Variants in PDE10A observed in about 807,000 individuals in gnomAD.
The protein encoded by PDE10A is phosphodiesterase 10A.
In PDE10A, 39 loss-of-function variants were observed where a neutral mutation model predicts 97.7. That is an observed-to-expected ratio of 0.40 (90% confidence interval 0.31 to 0.52). The LOEUF is 0.52. PDE10A is among the 20% of genes least tolerant of loss of function. The probability of loss-of-function intolerance (pLI) is 0.56; values close to 1 mark genes in which losing one functional copy is unlikely to be tolerated. For missense variants in PDE10A, 731 were observed against 1,047.8 expected (o/e 0.70, Z 4.17); for synonymous variants, 371 against 376.8 (o/e 0.98, Z 0.18).
rs139795680 is a variant in PDE10A at position 165,390,659 on chromosome 6, T to C, written c.2454+1987A>G. Among the ~76,000 whole-genome samples, 580 of 151,992 alleles carry C rather than the reference T, an allele frequency of 3.8e-3. 3 individuals are homozygous for C. Among genetic ancestry groups the C allele is most frequent in the African/African-American group, 0.013 (554 of 41,440 alleles). On this transcript the variant is annotated intron_variant, in intron 16 of 21. Coordinates refer to ENST00000539869, the MANE Select transcript of PDE10A (RefSeq NM_001385079.1). ...GAAGGGTCAGCTCTGGAGAGGAGTG[T>C]GAAGGTTTAAGGAAGTGTGCAAGGC... is the stretch of plus-strand genomic sequence containing the variant.
intron 1 of PDE10A, among the ~76,000 whole-genome samples, chr6:165,958,357 T>G (rs959492330): frequency 2.0e-5 from 3 of 151,672 alleles, no homozygotes; most frequent in Admixed American, 2.0e-4. Flanking sequence ...TGGCCTACAA[T>G]TTCAAAAGAA....
chr6:165,374,187 A>G (rs1784458832), intron 18 of PDE10A, among the ~76,000 whole-genome samples: 1 of 151,550 alleles, frequency 6.6e-6, no homozygotes, highest in Non-Finnish European at 1.5e-5. Flanking sequence ...ATATGTAACT[A>G]ACCTGCACAT....
At chr6:165,794,381 CCA>C (rs1229520892) in intron 1 of PDE10A, among the ~76,000 whole-genome samples, 7 of 151,654 alleles carry the variant, frequency 4.6e-5, no homozygotes, top group African/African-American at 7.3e-5. Flanking sequence ...ATACAATCCC[CCA>C]CACTCACACA....
At chr6:165,776,345 T>TAC (rs1197932764) in intron 1 of PDE10A, among the ~76,000 whole-genome samples, 3 of 152,234 alleles carry the variant, frequency 2.0e-5, no homozygotes, top group African/African-American at 7.2e-5. Flanking sequence ...CCTAGGGGGT[T>TAC]ACAGTAACAT....
intron 1 of PDE10A, among the ~76,000 whole-genome samples, chr6:165,751,075 GAGA>G (rs1792988293): frequency 6.6e-6 from 1 of 152,302 alleles, no homozygotes; most frequent in East Asian, 1.9e-4. Context: ...TCCTGGGGGA[GAGA>G]AGAAGGGAGC....
intron 1 of PDE10A, among the ~76,000 whole-genome samples, chr6:165,634,118 C>G (rs1053643443): frequency 1.3e-5 from 2 of 152,120 alleles, no homozygotes; most frequent in Non-Finnish European, 2.9e-5. Context: ...TGTTTCAGTG[C>G]GTCTGGGGTA....
chr6:165,589,903 C>T (rs1299541827), intron 1 of PDE10A, among the ~76,000 whole-genome samples: 1 of 152,096 alleles, frequency 6.6e-6, no homozygotes, highest in Non-Finnish European at 1.5e-5. Flanking sequence ...AAAACTCTAC[C>T]TTTAAATATA....
chr6:165,825,145 CAAA>C (rs1199061190), intron 1 of PDE10A, among the ~76,000 whole-genome samples: 3 of 50,910 alleles, frequency 5.9e-5, no homozygotes, highest in African/African-American at 1.5e-4. Context: ...GACTCCATCT[CAAA>C]AAAAAAAAAA....
At chr6:165,544,184 C>A (rs1342527828) in intron 1 of PDE10A, among the ~76,000 whole-genome samples, 1 of 152,110 alleles carries the variant, frequency 6.6e-6, no homozygotes, top group Non-Finnish European at 1.5e-5. Context: ...ACATTATTAT[C>A]TTTTATTGCC....
chr6:165,487,451 T>C (rs953284144), intron 2 of PDE10A, among the ~76,000 whole-genome samples: 6 of 152,148 alleles, frequency 3.9e-5, no homozygotes, highest in African/African-American at 1.4e-4. Flanking sequence ...TCATTATATA[T>C]TACAACATAA....
In PDE10A at chr6:165,381,631, ATT is replaced by A. The variant is rs547827126; in HGVS notation, c.2611-2267_2611-2266del. On this transcript the variant is annotated intron_variant, in intron 17 of 21. Coordinates refer to ENST00000539869, the MANE Select transcript of PDE10A (RefSeq NM_001385079.1). The stretch of plus-strand genomic sequence containing the variant: ...AGGGACGCACCACCACACCTGGCTA[ATT>A]TTTTTTTTTTTTTTTTTTTTTGTAT... 2.6e-3 allele frequency among the ~76,000 whole-genome samples: 312 copies of A among 118,650 alleles called. 1 individual carries two copies. Among genetic ancestry groups the A allele is most frequent in the African/African-American group, 8.6e-3 (256 of 29,940 alleles). The allele number at this position is 118,650 out of a possible 152,430, so 77.8% of individuals were successfully genotyped here.
chr6:165,395,876 T>C (rs1021053945), intron 14 of PDE10A, among the ~76,000 whole-genome samples: 1 of 152,162 alleles, frequency 6.6e-6, no homozygotes, highest in African/African-American at 2.4e-5. Context: ...CCCTACCCTC[T>C]AGTAACTTAA....
At chr6:165,686,822 C>A (rs1255775076) in intron 1 of PDE10A, among the ~76,000 whole-genome samples, 1 of 152,200 alleles carries the variant, frequency 6.6e-6, no homozygotes, top group African/African-American at 2.4e-5. Flanking sequence ...CGTGCCAGCA[C>A]CTCCGCGGCT....
intron 3 of PDE10A, among the ~76,000 whole-genome samples, chr6:165,478,403 G>C (rs1024941312): frequency 2.0e-5 from 3 of 152,058 alleles, no homozygotes; most frequent in East Asian, 1.9e-4. Context: ...AGGCAATGAT[G>C]GGGGGGAGGG....
intron 1 of PDE10A, among the ~76,000 whole-genome samples, chr6:165,578,666 C>T (rs1402915237): frequency 6.6e-6 from 1 of 151,492 alleles, no homozygotes; most frequent in African/African-American, 2.4e-5. Flanking sequence ...CCTTTTTGGC[C>T]GCCAAACTCT....
chr6:165,662,106 C>A lies in PDE10A; in HGVS notation c.706G>T (p.Ala236Ser), dbSNP rs1790301816. The A allele has an allele frequency of 9.2e-7, 1 of 1,086,108 alleles. No individual in the cohort carries two copies. Among genetic ancestry groups the A allele is most frequent in the East Asian group, 6.3e-5 (1 of 15,858 alleles). The allele number at this position is 1,086,108 out of a possible 1,614,324, so 67.3% of individuals were successfully genotyped here. A position where few individuals can be genotyped will look rare whatever the true frequency, so the allele number is the denominator to read the frequency against. ...RRAGSPGFPG[A>S]GPGGGGQTPR... is the part of the protein sequence containing the mutation. The stretch of plus-strand genomic sequence containing the variant: ...GTTTGGCCGCCGCCGCCTGGGCCGG[C>A]GCCGGGGAAGCCGGGGGAGCCCGCG... Residue 236 changes from alanine (A) to serine (S), a missense_variant, in exon 1 of 22, where the codon GCC becomes TCC. Physicochemically the swap from Ala to Ser is moderately conservative, Grantham distance 99. Coordinates refer to ENST00000539869, the MANE Select transcript of PDE10A (RefSeq NM_001385079.1).
chr6:165,849,733 GTCAA>G (rs1277942014), intron 1 of PDE10A, among the ~76,000 whole-genome samples: 3 of 152,120 alleles, frequency 2.0e-5, no homozygotes, highest in African/African-American at 7.2e-5. Flanking sequence ...TTCTGAACAA[GTCAA>G]GCTAGCGGTG....
At chr6:165,510,805 G>C (rs1781465365) in intron 2 of PDE10A, among the ~76,000 whole-genome samples, 1 of 151,956 alleles carries the variant, frequency 6.6e-6, no homozygotes, top group African/African-American at 2.4e-5. Flanking sequence ...TTTGCAGTTT[G>C]TTAGTGTATA....
intron 2 of PDE10A, among the ~76,000 whole-genome samples, chr6:165,542,792 G>T (rs961398091): frequency 6.6e-6 from 1 of 151,652 alleles, no homozygotes; most frequent in African/African-American, 2.4e-5. Context: ...CTAATTTTTT[G>T]TATTTTTAGT....
Sources: allele counts gnomAD v4.1 joint callset (sites outside exome capture counted in the v4.1 genomes callset), GRCh38; gene constraint gnomAD v4.1.1; transcripts MANE v1.5; gene names NCBI Gene and HGNC (gene_info 2026-07-23, HGNC 2026-07-21).